The following PFKM variants were observed in gnomAD, a reference collection of about 807,000 sequenced individuals.
PFKM encodes the protein ATP-dependent 6-phosphofructokinase, muscle type.
PFKM carries 58 observed loss-of-function variants against 95.5 expected under a neutral mutation model. That is an observed-to-expected ratio of 0.61 (90% CI 0.49 to 0.76). PFKM has a LOEUF of 0.76. PFKM is among the 30% of genes least tolerant of loss of function. The probability of loss-of-function intolerance (pLI) is 0.00; values close to 1 mark genes in which losing one functional copy is unlikely to be tolerated. For synonymous variants in PFKM, 336 were observed against 357.2 expected (o/e 0.94, Z 0.67); for missense variants, 678 against 1,005.4 (o/e 0.67, Z 4.40).
At chr12:48,117,963 A>G (rs2137726975), upstream of PFKM, among the ~76,000 whole-genome samples, 1 of 152,312 alleles carries the variant, frequency 6.6e-6, no homozygotes, top group African/African-American at 2.4e-5. Flanking sequence ...TCTGATTGGA[A>G]ATTGGTGAAA....
rs1183934644 is a variant in PFKM at position 48,135,366 on chromosome 12, G to A, written c.919G>A (p.Ala307Thr). The change falls in exon 10 of 23, where the codon GCC becomes ACC. Residue 307 changes from alanine (A) to threonine (T), a missense_variant. Ala to Thr is a moderately conservative substitution (Grantham distance 58, BLOSUM62 0). Coordinates refer to ENST00000359794, the MANE Select transcript of PFKM (RefSeq NM_000289.6). Reference protein sequence around the residue: ...GHVQRGGTPSAFDRILGSRMG... With the variant: ...GHVQRGGTPSTFDRILGSRMG... ...TGTGCAGAGGGGTGGGACGCCATCA[G>A]CCTTTGACAGAATTCTGGTAAGTCA... is the stretch of plus-strand genomic sequence containing the variant. 6 of 1,613,552 alleles carry A rather than the reference G, an allele frequency of 3.7e-6. No individual in the cohort carries two copies. Among genetic ancestry groups the A allele is most frequent in the Non-Finnish European group, 5.1e-6 (6 of 1,179,550 alleles).
chr12:48,140,417 G>C (rs1245654037), intron 13 of PFKM, among the ~76,000 whole-genome samples: 1 of 152,224 alleles, frequency 6.6e-6, no homozygotes, highest in Non-Finnish European at 1.5e-5. Context: ...TGATGCAGGT[G>C]ATCCAAGGAA....
chr12:48,136,332 ATGTTTATCAAAGGTGT>A (rs1950086859), intron 10 of PFKM, among the ~76,000 whole-genome samples: 1 of 152,120 alleles, frequency 6.6e-6, no homozygotes, highest in Non-Finnish European at 1.5e-5. Context: ...AATTCTCTAG[ATGTTTATCAAAGGTGT>A]TGTTTGTTTC....
intron 12 of PFKM, 89 bp from the exon 13 acceptor site, chr12:48,139,760 T>C (rs1565902471): frequency 1.1e-6 from 1 of 913,914 alleles, no homozygotes; most frequent in Non-Finnish European, 1.8e-6. Flanking sequence ...AACTTCCCTC[T>C]GGGAGCAACA....
At chr12:48,105,552 T>C (rs1946469334), upstream of PFKM, 2 of 502,836 alleles carry the variant, frequency 4.0e-6, no homozygotes, top group Admixed American at 2.0e-5. Context: ...GGAGAAATGT[T>C]TACGTGAGAC....
At chr12:48,131,833 G>A (rs1004439498) in intron 4 of PFKM, 13 of 359,786 alleles carry the variant, frequency 3.6e-5, no homozygotes, top group Non-Finnish European at 6.5e-5. Context: ...ACAGCCTTTC[G>A]GAGTCTCAAA....
chr12:48,132,814 A>G, intron 4 of PFKM, 54 bp from the exon 5 acceptor site: 1 of 1,453,000 alleles, frequency 6.9e-7, no homozygotes, highest in Non-Finnish European at 9.5e-7. Context: ...AATAGGGGAT[A>G]TCTCAGCATG....
In PFKM at chr12:48,134,990, T is replaced by C. The variant is rs755419929; in HGVS notation, c.795T>C (p.Gly265=). 6.2e-7 allele frequency: 1 copy of C among 1,613,942 alleles called. No homozygotes were observed. The highest frequency in any genetic ancestry group is 1.1e-5 in the South Asian group (1 of 91,058). The stretch of plus-strand genomic sequence containing the variant: ...TCAACATCATCATTGTGGCTGAGGG[T>C]GCAATTGACAAGAATGGAAAACCAA... ...SRLNIIIVAE[G]AIDKNGKPIT... The change falls in exon 9 of 23, where the codon GGT becomes GGC. Residue 265 remains glycine, a synonymous_variant. Coordinates refer to ENST00000359794, the MANE Select transcript of PFKM (RefSeq NM_000289.6).
chr12:48,139,832 A>G lies in PFKM; in HGVS notation c.1128-17A>G, dbSNP rs762547102. The G allele has an allele frequency of 2.5e-6, 4 of 1,576,444 alleles. No homozygotes were observed. The African/African-American group carries it at 5.4e-5, about 21-fold the overall frequency. ...GAATGGCCTGAAGACACCTCTCTCT[A>G]TTTGTACTTCCTACAGGAGCTTCAT... On this transcript the variant is annotated splice_polypyrimidine_tract_variant and intron_variant, in intron 12 of 22. Transcript: ENST00000359794.
chr12:48,131,534 C>T, intron 4 of PFKM, 141 bp downstream of exon 4: 2 of 718,702 alleles, frequency 2.8e-6, no homozygotes, highest in South Asian at 3.0e-5. Flanking sequence ...ACCCTATTTG[C>T]CCTTTACTCT....
In PFKM at chr12:48,135,351, G is replaced by A; in HGVS notation, c.904G>A (p.Gly302Ser). 1 of 1,614,106 alleles carries A rather than the reference G, an allele frequency of 6.2e-7. No individual in the cohort carries two copies. Among genetic ancestry groups the A allele is most frequent in the East Asian group, 2.2e-5 (1 of 44,880 alleles). The change falls in exon 10 of 23, where the codon GGT (glycine) becomes AGT (serine). Residue 302 changes from glycine (G) to serine (S), a missense_variant. Physicochemically the swap from Gly to Ser is moderately conservative, Grantham distance 56. Coordinates refer to ENST00000359794, the MANE Select transcript of PFKM (RefSeq NM_000289.6). The stretch of plus-strand genomic sequence containing the variant: ...TACTGTCTTGGGGCATGTGCAGAGG[G>A]GTGGGACGCCATCAGCCTTTGACAG... Reference protein sequence around the residue: ...RVTVLGHVQRGGTPSAFDRIL... With the variant: ...RVTVLGHVQRSGTPSAFDRIL...
chr12:48,135,404 G>A (rs1045969628), intron 10 of PFKM, 21 bp downstream of exon 10: 2 of 1,562,198 alleles, frequency 1.3e-6, no homozygotes, highest in African/African-American at 2.7e-5. Flanking sequence ...GGGCTGTGTG[G>A]CCCTCATGCC....
chr12:48,134,213 A>G lies in PFKM; in HGVS notation c.594-19A>G, dbSNP rs537468482. 2.9e-5 allele frequency: 47 copies of G among 1,611,928 alleles called. No individual in the cohort carries two copies. The South Asian group carries it at 5.2e-4, about 18-fold the overall frequency. On this transcript the variant is annotated intron_variant, in intron 6 of 22. Transcript: ENST00000359794. Reference sequence around the variant, plus strand: ...GCCATAGGGTCACTTGGACTGTGTCATATGTCTATCTCTTGCAGCCACCAG... The same window carrying G: ...GCCATAGGGTCACTTGGACTGTGTCGTATGTCTATCTCTTGCAGCCACCAG...
At chr12:48,141,202 A>G (rs1416213087) in intron 14 of PFKM, 109 bp from the exon 15 acceptor site, 1 of 1,067,196 alleles carries the variant, frequency 9.4e-7, no homozygotes, top group African/African-American at 1.5e-5. Flanking sequence ...TACCTTTTCC[A>G]ACCAAGGGGG....
intron 2 of PFKM, among the ~76,000 whole-genome samples, chr12:48,130,012 T>G (rs1949300964): frequency 6.6e-6 from 1 of 152,214 alleles, no homozygotes; most frequent in Admixed American, 6.5e-5. Flanking sequence ...AGATGATGTT[T>G]GACAAGCTCT....
intron 1 of PFKM, among the ~76,000 whole-genome samples, chr12:48,122,317 C>T (rs1341665517): frequency 6.6e-6 from 1 of 152,242 alleles, no homozygotes; most frequent in African/African-American, 2.4e-5. Context: ...TACCCTTGCT[C>T]TTCTACTTCT....
chr12:48,110,563 C>G (rs1947090493), intron 3 of PFKM, among the ~76,000 whole-genome samples: 1 of 152,098 alleles, frequency 6.6e-6, no homozygotes, highest in African/African-American at 2.4e-5. Flanking sequence ...GAGATGAGCA[C>G]AGAGCTACTG....
chr12:48,134,827 G>GAGGTAC lies in PFKM; in HGVS notation c.746_747+4dup. 1 of 1,612,424 alleles carries GAGGTAC rather than the reference G, an allele frequency of 6.2e-7. No homozygotes were observed. The highest frequency in any genetic ancestry group is 8.5e-7 in the Non-Finnish European group (1 of 1,178,464). On this transcript the variant is annotated inframe_insertion and splice_region_variant, in exon 8 of 23. Coordinates refer to ENST00000359794, the MANE Select transcript of PFKM (RefSeq NM_000289.6). ...GGAACACCTTTGTCGCCGACTCAGC[G>GAGGTAC]AGGTACTTGCACTTTATTTTGCCCT...
Position 48,142,508 on chromosome 12 carries a change from TTTTG to T in PFKM, c.1654-266_1654-263del, listed in dbSNP as rs201738718. ...GCACCAGTACCCTGAATACCAAATG[TTTTG>T]TTTGTTTTTTTTTTTCTTTCTGAGA... On this transcript the variant is annotated intron_variant, in intron 17 of 22. Transcript: ENST00000359794. 9,309 of 494,204 alleles carry T rather than the reference TTTTG, an allele frequency of 0.019. 338 individuals carry two copies. Among genetic ancestry groups the T allele is most frequent in the African/African-American group, 0.11 (5,704 of 51,130 alleles). 30.6% of individuals were successfully genotyped at this position (494,204 alleles called of 1,614,324 possible).
Sources: gnomAD v4.1 joint callset for allele counts (sites outside exome capture counted in the v4.1 genomes callset) on GRCh38, gnomAD v4.1.1 for gene constraint, MANE v1.5 for transcripts, NCBI Gene and HGNC (gene_info 2026-07-23, HGNC 2026-07-21) for gene names.